MAPKAP1: variants seen among roughly 807,000 people sequenced by gnomAD.
The protein encoded by MAPKAP1 is MAPK associated protein 1.
In MAPKAP1, 20 loss-of-function variants were observed where a neutral mutation model predicts 65.7. That is an observed-to-expected ratio of 0.30 (90% confidence interval 0.21 to 0.44). MAPKAP1 has a LOEUF of 0.44. MAPKAP1 is among the 20% of genes least tolerant of loss of function. The pLI, the probability that MAPKAP1 is intolerant of heterozygous loss-of-function variation, is 1.00. For missense variants in MAPKAP1, 423 were observed against 648.0 expected (o/e 0.65, Z 3.77); for synonymous variants, 222 against 244.3 (o/e 0.91, Z 0.85).
At chr9:125,487,821 GCTT>G (rs548294287) in intron 8 of MAPKAP1, among the ~76,000 whole-genome samples, 47 of 152,272 alleles carry the variant, frequency 3.1e-4, no homozygotes, top group Admixed American at 2.7e-3. Context: ...AATTGATTTA[GCTT>G]CTTACAGAAG....
intron 4 of MAPKAP1, among the ~76,000 whole-genome samples, chr9:125,636,446 A>C (rs141907874): frequency 3.3e-5 from 5 of 152,368 alleles, no homozygotes; most frequent in Non-Finnish European, 5.9e-5. Context: ...ATAATTCAAA[A>C]TTCCTCCATA....
chr9:125,516,425 C>A (rs1325907528), intron 7 of MAPKAP1, among the ~76,000 whole-genome samples: 1 of 152,218 alleles, frequency 6.6e-6, no homozygotes, highest in Admixed American at 6.5e-5. Flanking sequence ...GGCAGCCATT[C>A]ATCCCCTTAA....
intron 7 of MAPKAP1, chr9:125,521,612 G>A: frequency 3.3e-6 from 5 of 1,498,710 alleles, no homozygotes; most frequent in Non-Finnish European, 4.4e-6. Flanking sequence ...TTTAGCTGTG[G>A]GGAACAGACA....
intron 9 of MAPKAP1, among the ~76,000 whole-genome samples, chr9:125,482,409 T>G (rs1158894789): frequency 1.3e-5 from 2 of 152,204 alleles, no homozygotes; most frequent in African/African-American, 4.8e-5. Context: ...ATGTACTCTT[T>G]TATTTATTTT....
chr9:125,544,656 G>A (rs1430863038), intron 6 of MAPKAP1, among the ~76,000 whole-genome samples: 1 of 152,182 alleles, frequency 6.6e-6, no homozygotes, highest in Non-Finnish European at 1.5e-5. Flanking sequence ...CGGGACCCAA[G>A]TTTCCAACTA....
chr9:125,681,365 G>A (rs1834816105), intron 1 of MAPKAP1, among the ~76,000 whole-genome samples: 1 of 152,192 alleles, frequency 6.6e-6, no homozygotes, highest in Non-Finnish European at 1.5e-5. Flanking sequence ...AAAAGACTAT[G>A]GGGAGAAAGA....
Position 125,478,436 on chromosome 9 carries a change from T to C in MAPKAP1, c.1207+6007A>G, listed in dbSNP as rs534623010. On this transcript the variant is annotated intron_variant, in intron 9 of 11. Transcript: ENST00000265960. ...TTGAACTCCTGGGCTCAAGGGATCC[T>C]CCTGCCTCAGCCTCCTAAGTAGCTA... is the stretch of plus-strand genomic sequence containing the variant. Among the ~76,000 whole-genome samples, 133 of 152,290 alleles carry C rather than the reference T, an allele frequency of 8.7e-4. 1 individual carries two copies. Among genetic ancestry groups the C allele is most frequent in the African/African-American group, 3.1e-3 (127 of 41,548 alleles).
chr9:125,549,076 G>A (rs1241780629), intron 6 of MAPKAP1, among the ~76,000 whole-genome samples: 3 of 152,162 alleles, frequency 2.0e-5, no homozygotes, highest in Admixed American at 6.5e-5. Flanking sequence ...CTTCCATACC[G>A]GAACCACTGA....
At chr9:125,519,877 T>C (rs940586595) in intron 7 of MAPKAP1, among the ~76,000 whole-genome samples, 1 of 152,052 alleles carries the variant, frequency 6.6e-6, no homozygotes, top group South Asian at 2.1e-4. Context: ...GAAGCCTCCA[T>C]GCAGGCTTTG....
At chr9:125,638,952 G>A (rs1209656702) in intron 4 of MAPKAP1, among the ~76,000 whole-genome samples, 1 of 152,226 alleles carries the variant, frequency 6.6e-6, no homozygotes, top group Non-Finnish European at 1.5e-5. Context: ...AGACCTTTGG[G>A]AGCCCTTCAA....
Position 125,559,689 on chromosome 9 carries a change from C to A in MAPKAP1, c.792G>T (p.Leu264=). The A allele has an allele frequency of 1.2e-6, 2 of 1,613,932 alleles. No individual in the cohort carries two copies. Among genetic ancestry groups the A allele is most frequent in the South Asian group, 2.2e-5 (2 of 91,054 alleles). ...GACCAGGAGATGAGTACTTTTCAAC[C>A]AGGGCCAAAGTACTGAAGCCAAACT... ...IHKFGFSTLA[L]VEKYSSPGLT... Residue 264 remains leucine (L), a synonymous_variant, in exon 6 of 12, where the codon CTG becomes CTT. Transcript: ENST00000265960.
At chr9:125,547,655 C>CG (rs1352474222) in intron 6 of MAPKAP1, among the ~76,000 whole-genome samples, 6 of 152,092 alleles carry the variant, frequency 3.9e-5, no homozygotes, top group South Asian at 2.1e-4. Context: ...GACTGCTTAT[C>CG]GGGGGGTGGG....
At chr9:125,498,032 ACATC>A (rs1828859581) in intron 8 of MAPKAP1, among the ~76,000 whole-genome samples, 2 of 152,186 alleles carry the variant, frequency 1.3e-5, no homozygotes, top group Non-Finnish European at 2.9e-5. Context: ...TTGTAATGTT[ACATC>A]CTCCCCATAA....
chr9:125,557,075 G>C (rs942082930), intron 6 of MAPKAP1, among the ~76,000 whole-genome samples: 7 of 152,200 alleles, frequency 4.6e-5, no homozygotes, highest in Non-Finnish European at 1.5e-5. Context: ...GGAACACAGG[G>C]ATGGGAGTAA....
intron 4 of MAPKAP1, among the ~76,000 whole-genome samples, chr9:125,599,087 C>T (rs1832226110): frequency 6.6e-6 from 1 of 151,476 alleles, no homozygotes; most frequent in South Asian, 2.1e-4. Context: ...CCTAGTCCCA[C>T]AGTAAATGCT....
chr9:125,505,613 T>A (rs1232688277), intron 8 of MAPKAP1, among the ~76,000 whole-genome samples: 4 of 152,256 alleles, frequency 2.6e-5, no homozygotes, highest in African/African-American at 9.6e-5. Flanking sequence ...AAGATCCTGG[T>A]GGCCTTTCTG....
At chr9:125,577,837 G>A (rs1335156082) in intron 5 of MAPKAP1, among the ~76,000 whole-genome samples, 8 of 149,378 alleles carry the variant, frequency 5.4e-5, no homozygotes, top group Non-Finnish European at 4.5e-5. Context: ...CCGGCCAACC[G>A]CCCCGTCCGG....
chr9:125,622,140 TGG>T (rs1365774559), intron 4 of MAPKAP1, among the ~76,000 whole-genome samples: 1 of 152,028 alleles, frequency 6.6e-6, no homozygotes, highest in Non-Finnish European at 1.5e-5. Flanking sequence ...GGGAGAAGTA[TGG>T]GGAGATGGGG....
At chr9:125,553,950 T>C (rs1032158930) in intron 6 of MAPKAP1, among the ~76,000 whole-genome samples, 10 of 151,744 alleles carry the variant, frequency 6.6e-5, no homozygotes, top group African/African-American at 7.3e-5. Flanking sequence ...GGTGGGACGA[T>C]TGCTCGAGCC....
Sources: gnomAD v4.1 joint callset for allele counts (sites outside exome capture counted in the v4.1 genomes callset) on GRCh38, gnomAD v4.1.1 for gene constraint, MANE v1.5 for transcripts, NCBI Gene and HGNC (gene_info 2026-07-23, HGNC 2026-07-21) for gene names.